Variants in AUTS2 observed in about 807,000 individuals in gnomAD.
The protein encoded by AUTS2 is activator of transcription and developmental regulator AUTS2, also known as autism susceptibility gene 2 protein.
In AUTS2, 17 loss-of-function variants were observed where a neutral mutation model predicts 112.4. The ratio of observed to expected loss-of-function variants is 0.15; its 90% CI spans 0.10 to 0.23. The LOEUF is 0.23. AUTS2 is among the 10% of genes least tolerant of loss of function. The pLI, the probability that AUTS2 is intolerant of heterozygous loss-of-function variation, is 1.00. For missense variants in AUTS2, 1,510 were observed against 1,701.6 expected (o/e 0.89, Z 1.98); for synonymous variants, 751 against 702.7 (o/e 1.07, Z -1.09).
chr7:69,666,600 C>T (rs535114982), intron 1 of AUTS2, among the ~76,000 whole-genome samples: 5 of 152,228 alleles, frequency 3.3e-5, no homozygotes, highest in South Asian at 2.1e-4. Flanking sequence ...AGGAATCATG[C>T]GTATGGTTCC....
chr7:70,736,368 AC>A (rs74745642), intron 6 of AUTS2, among the ~76,000 whole-genome samples: 2 of 152,216 alleles, frequency 1.3e-5, no homozygotes, highest in East Asian at 1.9e-4. Flanking sequence ...AAATACTTTT[AC>A]TACCAAGTGA....
chr7:69,611,936 CAAAAAAA>C (rs896215968), intron 1 of AUTS2, among the ~76,000 whole-genome samples: 1 of 85,756 alleles, frequency 1.2e-5, no homozygotes. Flanking sequence ...GACTCCGTCT[CAAAAAAA>C]AAAAAAAAAA....
intron 1 of AUTS2, among the ~76,000 whole-genome samples, chr7:69,670,097 C>T (rs1022262301): frequency 6.6e-6 from 1 of 152,194 alleles, no homozygotes; most frequent in Non-Finnish European, 1.5e-5. Flanking sequence ...GCTTTCCTCC[C>T]TCCCCAGCCC....
rs776400671 is a variant in AUTS2, at chr7:70,790,028, C to T, written c.2812C>T (p.Arg938Trp). ...GGGCGAAGAGGCCAAGCAGCTGGCC[C>T]GGGTGCCGTCTCCCTACGTGCGGAC... ...AAGEEAKQLARVPSPYVRTPV... is the reference protein window; with the variant it reads ...AAGEEAKQLAWVPSPYVRTPV... The change falls in exon 19 of 19, where the codon CGG becomes TGG. Residue 938 changes from arginine (R) to tryptophan (W), a missense_variant. Around this residue, in one of 3 missense-constraint regions of AUTS2, gnomAD observed 788 missense variants for 797.6 expected, o/e 0.99. Transcript: ENST00000342771. The surrounding 1 kb of genome is among the most constrained non-coding windows in gnomAD (Gnocchi z 7.6). The T allele has an allele frequency of 4.4e-6, 7 of 1,586,836 alleles. No homozygotes were observed. The highest frequency in any genetic ancestry group is 2.3e-5 in the East Asian group (1 of 43,294).
chr7:70,706,299 A>G (rs182566777), intron 6 of AUTS2, among the ~76,000 whole-genome samples: 83 of 152,376 alleles, frequency 5.4e-4, no homozygotes, highest in Non-Finnish European at 8.7e-4. Context: ...GAGCAGAGAC[A>G]GAAACAGAGA....
chr7:70,242,590 A>G (rs1215747972), intron 4 of AUTS2, among the ~76,000 whole-genome samples: 4 of 152,114 alleles, frequency 2.6e-5, no homozygotes, highest in Admixed American at 1.3e-4. Context: ...CTGTGTGATA[A>G]CTCTTCTAGT....
rs554246516 is a variant in AUTS2 at position 69,910,576 on chromosome 7, T to A, written c.522+11078T>A. Among the ~76,000 whole-genome samples the A allele has an allele frequency of 2.6e-5, 4 of 152,332 alleles. No homozygotes were observed. In the South Asian group the frequency reaches 8.3e-4, roughly 32 times the overall value. On this transcript the variant is annotated intron_variant, in intron 2 of 18. Coordinates refer to ENST00000342771, the MANE Select transcript of AUTS2 (RefSeq NM_015570.4). The stretch of plus-strand genomic sequence containing the variant: ...AGCAGGTCACATCTTACGTGGATGG[T>A]GGCAGGCAAATAGAGCATTTGTGCA...
At chr7:69,879,789 C>A (rs1351050205) in intron 1 of AUTS2, among the ~76,000 whole-genome samples, 1 of 152,020 alleles carries the variant, frequency 6.6e-6, no homozygotes, top group Non-Finnish European at 1.5e-5. Context: ...TCAGTCCTTT[C>A]CTGTGAAAAA....
At chr7:69,880,895 G>T (rs977643391) in intron 1 of AUTS2, among the ~76,000 whole-genome samples, 1 of 152,174 alleles carries the variant, frequency 6.6e-6, no homozygotes. Context: ...CTCATGGTGA[G>T]AGAGGCAGAG....
intron 5 of AUTS2, among the ~76,000 whole-genome samples, chr7:70,559,770 C>A (rs982393466): frequency 2.0e-5 from 3 of 152,204 alleles, no homozygotes; most frequent in African/African-American, 7.2e-5. Flanking sequence ...GGATTCCTAA[C>A]CTCCTTACCT....
At chr7:69,784,514 A>G (rs1789279987) in intron 1 of AUTS2, among the ~76,000 whole-genome samples, 1 of 152,160 alleles carries the variant, frequency 6.6e-6, no homozygotes, top group Admixed American at 6.5e-5. Flanking sequence ...AGGGCTTCTA[A>G]CCCTGGACAG....
intron 1 of AUTS2, chr7:69,643,245 C>G (rs1401089221): frequency 1.3e-5 from 2 of 152,272 alleles, no homozygotes; most frequent in Non-Finnish European, 2.9e-5. Flanking sequence ...AATGTAATCA[C>G]ATAATCATGT....
rs905969438 is a variant in AUTS2, at chr7:69,598,597, C to G, written c.-1057C>G. Reference sequence around the variant, plus strand: ...GCGGCGGCGGCGAGAGCAGCGTTCCCGGCTGCGCTTCTCCCTCAGGCGGGG... The same window carrying G: ...GCGGCGGCGGCGAGAGCAGCGTTCCGGGCTGCGCTTCTCCCTCAGGCGGGG... On this transcript the variant is annotated 5_prime_UTR_variant, in exon 1 of 19. Coordinates refer to ENST00000342771, the MANE Select transcript of AUTS2 (RefSeq NM_015570.4). 4 of 179,398 alleles carry G rather than the reference C, an allele frequency of 2.2e-5. No homozygotes were observed. Among genetic ancestry groups the G allele is most frequent in the African/African-American group, 1.0e-4 (4 of 40,192 alleles). 11.1% of individuals were successfully genotyped at this position (179,398 alleles called of 1,614,324 possible).
At chr7:69,761,114 A>G (rs1788168503) in intron 1 of AUTS2, among the ~76,000 whole-genome samples, 2 of 152,168 alleles carry the variant, frequency 1.3e-5, no homozygotes, top group African/African-American at 2.4e-5. Context: ...CCACAGACCA[A>G]AAAAATCTAT....
rs371118227 is a variant in AUTS2, at chr7:70,787,181, C to T, written c.2309-28C>T. On this transcript the variant is annotated intron_variant, in intron 17 of 18. Coordinates refer to ENST00000342771, the MANE Select transcript of AUTS2 (RefSeq NM_015570.4). ...GCAGATTATATAATTTCTCTTAAACCTTTTTGTTCTCCACTTCACCATTTC... is the reference window on the plus strand; with the variant it reads ...GCAGATTATATAATTTCTCTTAAACTTTTTTGTTCTCCACTTCACCATTTC... The T allele has an allele frequency of 1.4e-4, 227 of 1,609,472 alleles. 1 individual carries two copies. The highest frequency in any genetic ancestry group is 1.9e-4 in the Non-Finnish European group (224 of 1,176,498).
chr7:70,636,584 A>G (rs1805544235), intron 5 of AUTS2, among the ~76,000 whole-genome samples: 1 of 152,218 alleles, frequency 6.6e-6, no homozygotes, highest in Non-Finnish European at 1.5e-5. Context: ...TAAAGTGGGA[A>G]TAATCATACA....
At chr7:70,165,602 G>A (rs1808339457) in intron 4 of AUTS2, among the ~76,000 whole-genome samples, 2 of 152,136 alleles carry the variant, frequency 1.3e-5, no homozygotes, top group Non-Finnish European at 2.9e-5. Context: ...GTCAGATGAA[G>A]CAAGAGAAGT....
rs565766827 is a variant in AUTS2 at position 70,144,228 on chromosome 7, AAGAGAACTT to A, written c.660+9660_660+9668del. Among the ~76,000 whole-genome samples, 264 of 152,252 alleles carry A rather than the reference AAGAGAACTT, an allele frequency of 1.7e-3. 1 individual carries two copies. The highest frequency in any genetic ancestry group is 6.0e-3 in the African/African-American group (251 of 41,572). Reference sequence around the variant, plus strand: ...TGTGGAAAATAGACTCAACTTTGCCAAGAGAACTTAGGGTTCTGGGGCAGAGAAATTCAG... The same window carrying A: ...TGTGGAAAATAGACTCAACTTTGCCAAGGGTTCTGGGGCAGAGAAATTCAG... On this transcript the variant is annotated intron_variant, in intron 4 of 18. Coordinates refer to ENST00000342771, the MANE Select transcript of AUTS2 (RefSeq NM_015570.4).
chr7:70,394,403 C>A (rs934376524), intron 4 of AUTS2, among the ~76,000 whole-genome samples: 1 of 152,160 alleles, frequency 6.6e-6, no homozygotes, highest in Non-Finnish European at 1.5e-5. Context: ...CCTTGAAAGC[C>A]CAGGCTATTC....
Sources: gnomAD v4.1 joint callset for allele counts (sites outside exome capture counted in the v4.1 genomes callset) on GRCh38, gnomAD v4.1.1 for gene constraint, gnomAD v4.1.1 regional missense constraint, Gnocchi (gnomAD v3.1) non-coding constraint, MANE v1.5 for transcripts, NCBI Gene and HGNC (gene_info 2026-07-23, HGNC 2026-07-21) for gene names.